Variants in ROS1 observed in about 807,000 individuals in gnomAD.
ROS1 encodes proto-oncogene tyrosine-protein kinase ROS.
Under a neutral mutation model 273.5 loss-of-function variants are expected in ROS1, and 263 were observed. The observed-to-expected ratio is 0.96, with a 90% CI of 0.87 to 1.06. The LOEUF is 1.06. Among genes scored for constraint, ROS1 ranks in the 50% least tolerant of loss-of-function variants. The pLI, the probability that ROS1 is intolerant of heterozygous loss-of-function variation, is 0.00. For synonymous variants in ROS1, 1,008 were observed against 954.1 expected (o/e 1.06, Z -1.04); for missense variants, 2,833 against 2,751.1 (o/e 1.03, Z -0.67).
At chr6:117,409,965 T>A (rs1321801) in intron 4 of ROS1, among the ~76,000 whole-genome samples, 81,186 of 151,616 alleles carry the variant, frequency 0.54, 22,383 homozygotes, top group South Asian at 0.68. Context: ...TACTTTTCCC[T>A]CCATTTTTAG....
intron 32 of ROS1, among the ~76,000 whole-genome samples, chr6:117,334,165 A>G (rs1424431066): frequency 1.3e-5 from 2 of 152,218 alleles, no homozygotes; most frequent in Non-Finnish European, 2.9e-5. Flanking sequence ...TAAAAAATCA[A>G]TGTGCAAAAA....
chr6:117,410,641 A>G (rs749225990), intron 4 of ROS1, among the ~76,000 whole-genome samples: 27 of 152,320 alleles, frequency 1.8e-4, no homozygotes, highest in Non-Finnish European at 2.9e-4. Context: ...AATCATGATC[A>G]ATCTTCCTGC....
rs376680651 is a variant in ROS1 at position 117,365,097 on chromosome 6, G to A, written c.3066C>T (p.Gly1022=). 4.0e-5 allele frequency: 65 copies of A among 1,613,670 alleles called. No homozygotes were observed. Among genetic ancestry groups the A allele is most frequent in the Non-Finnish European group, 5.2e-5 (61 of 1,179,808 alleles). ...SVTPYTYWGK[G]PKTSLSLRAP... ...CTCGAAGTGACAGAGATGTTTTGGGGCCCTTTCCCCAGTAGGTATAAGGAG... is the reference window on the plus strand; with the variant it reads ...CTCGAAGTGACAGAGATGTTTTGGGACCCTTTCCCCAGTAGGTATAAGGAG... Residue 1022 remains glycine, a synonymous_variant, in exon 21 of 44, where the codon GGC becomes GGT. Coordinates refer to ENST00000368507, the MANE Select transcript of ROS1 (RefSeq NM_001378902.1).
At chr6:117,418,579 A>C (rs1775518760) in intron 1 of ROS1, 73 bp from the exon 2 acceptor site, 2 of 1,141,300 alleles carry the variant, frequency 1.8e-6, no homozygotes, top group East Asian at 5.4e-5. Context: ...ACCTTTTAAA[A>C]AAGCTTCCTG....
intron 31 of ROS1, among the ~76,000 whole-genome samples, chr6:117,340,639 A>T (rs1777844686): frequency 6.6e-6 from 1 of 152,190 alleles, no homozygotes; most frequent in South Asian, 2.1e-4. Flanking sequence ...TTAAAGCGTG[A>T]AAAGTTTTGG....
In ROS1 at chr6:117,393,310, A is replaced by T; in HGVS notation, c.1203T>A (p.Cys401Ter). 1 of 1,602,864 alleles carries T rather than the reference A, an allele frequency of 6.2e-7. No homozygotes were observed. The highest frequency in any genetic ancestry group is 8.5e-7 in the Non-Finnish European group (1 of 1,170,384). The part of the protein sequence containing the change: ...YFIMDELVCV[C>*]DLENCSNIEE... ...CGATGTTTGAGCAGTTCTCTAAATC[A>T]CAGACACATACCTAAAAAAATAAAA... Residue 401 changes from cysteine to a stop codon, truncating the protein, a stop_gained, in exon 12 of 44, where the codon TGT (cysteine) becomes TGA (stop). Coordinates refer to ENST00000368507, the MANE Select transcript of ROS1 (RefSeq NM_001378902.1). LOFTEE classifies it high-confidence loss of function.
rs904898836 is a variant in ROS1, at chr6:117,385,592, G to T, written c.2289+91C>A. ...AAATAATAGCATAAGTGGTGCACAG[G>T]TATTTAAAAAAAAAAAAGAAATTGG... On this transcript the variant is annotated intron_variant, in intron 16 of 43. Coordinates refer to ENST00000368507, the MANE Select transcript of ROS1 (RefSeq NM_001378902.1). 24 of 1,031,748 alleles carry T rather than the reference G, an allele frequency of 2.3e-5. No homozygotes were observed. The Admixed American group carries it at 5.4e-4, about 23-fold the overall frequency. The allele number at this position is 1,031,748 out of a possible 1,614,324, so 63.9% of individuals were successfully genotyped here.
intron 43 of ROS1, among the ~76,000 whole-genome samples, chr6:117,294,285 A>G (rs1284311676): frequency 1.3e-5 from 2 of 152,180 alleles, no homozygotes; most frequent in Non-Finnish European, 2.9e-5. Flanking sequence ...CTTATTCAAC[A>G]TAGTACTGTA....
rs1367145617 is a variant in ROS1, at chr6:117,342,284, TA to T, written c.4651+115del. 44 of 1,031,722 alleles carry T rather than the reference TA, an allele frequency of 4.3e-5. No individual in the cohort carries two copies. In the Admixed American group the frequency reaches 6.6e-4, roughly 15 times the overall value. 63.9% of individuals were successfully genotyped at this position (1,031,722 alleles called of 1,614,324 possible). A position where few individuals can be genotyped will look rare whatever the true frequency, so the allele number is the denominator to read the frequency against. On this transcript the variant is annotated intron_variant, in intron 29 of 43. Coordinates refer to ENST00000368507, the MANE Select transcript of ROS1 (RefSeq NM_001378902.1). ...ACAAACACATTTTTCTTATTAAACTTAAAAAAGCTTACTAAAATTACTTCGC... is the reference window on the plus strand; with the variant it reads ...ACAAACACATTTTTCTTATTAAACTTAAAAAGCTTACTAAAATTACTTCGC...
chr6:117,336,464 C>T (rs569112998), intron 32 of ROS1, among the ~76,000 whole-genome samples: 1 of 152,106 alleles, frequency 6.6e-6, no homozygotes, highest in Non-Finnish European at 1.5e-5. Flanking sequence ...AGGTTAATAG[C>T]TTCCAGCTTC....
rs80102354 is a variant in ROS1 at position 117,422,398 on chromosome 6, A to T, written c.123+3136T>A. On this transcript the variant is annotated intron_variant, in intron 1 of 43. Transcript: ENST00000368507. ...AATTTTTTATGCTACATGGATAGCA[A>T]CTCATTGGTTTGAATTGTCATCTTT... Among the ~76,000 whole-genome samples, 488 of 152,230 alleles carry T rather than the reference A, an allele frequency of 3.2e-3. 1 individual carries two copies. Among genetic ancestry groups the T allele is most frequent in the African/African-American group, 0.011 (447 of 41,530 alleles).
chr6:117,294,932 A>G (rs991111752), intron 43 of ROS1, among the ~76,000 whole-genome samples: 19 of 152,148 alleles, frequency 1.2e-4, no homozygotes, highest in African/African-American at 4.1e-4. Context: ...AATACCAATG[A>G]CATTCTTCAC....
Position 117,337,162 on chromosome 6 carries a change from T to G in ROS1, c.5230+10A>C. 6.2e-7 allele frequency: 1 copy of G among 1,605,058 alleles called. No homozygotes were observed. Among genetic ancestry groups the G allele is most frequent in the South Asian group, 1.1e-5 (1 of 90,270 alleles). ...AGAGTTTTCTGAGTATTGAGTATGT[T>G]AGTACTCACCTTTTGTCTTAAAGCT... is the stretch of plus-strand genomic sequence containing the variant. On this transcript the variant is annotated intron_variant, in intron 32 of 43. Transcript: ENST00000368507.
At chr6:117,331,394 T>C (rs1177490260) in intron 32 of ROS1, among the ~76,000 whole-genome samples, 2 of 151,820 alleles carry the variant, frequency 1.3e-5, no homozygotes, top group African/African-American at 4.8e-5. Flanking sequence ...ATGGGGAAAA[T>C]GGAAACACGT....
intron 16 of ROS1, among the ~76,000 whole-genome samples, chr6:117,384,104 A>T (rs1772374542): frequency 1.3e-5 from 2 of 152,146 alleles, no homozygotes; most frequent in Admixed American, 1.3e-4. Context: ...AATACTTAAA[A>T]CTGGTTTTTA....
rs113723823 is a variant in ROS1 at position 117,403,255 on chromosome 6, A to G, written c.488T>C (p.Val163Ala). The G allele has an allele frequency of 1.2e-6, 2 of 1,612,184 alleles. 1 individual carries two copies. Residue 163 changes from valine to alanine, a missense_variant, in exon 7 of 44, where the codon GTG (valine) becomes GCG (alanine). Physicochemically the swap from Val to Ala is moderately conservative, Grantham distance 64. Coordinates refer to ENST00000368507, the MANE Select transcript of ROS1 (RefSeq NM_001378902.1). ...AGTGAAGGGGTGCAGGGGCTTGACC[A>G]CATAGGACGGTCTGGACACAGTCTA... ...YTKTVSRPSYVVKPLHPFTEY... is the reference protein window; with the variant it reads ...YTKTVSRPSYAVKPLHPFTEY...
At position 117,337,269 on chromosome 6, in the gene ROS1, T is replaced by C. The variant is rs752889601; in HGVS notation, c.5133A>G (p.Thr1711=). ...SQGPAYVCNI[T]NLQPYTSYNV... ...TATATGAAGTATAAGGTTGTAGATT[T>C]GTGATATTACAGACATAAGCAGGAC... Residue 1711 remains threonine (T), a synonymous_variant, in exon 32 of 44, where the codon ACA becomes ACG. Transcript: ENST00000368507. 1.2e-6 allele frequency: 2 copies of C among 1,612,712 alleles called. No individual in the cohort carries two copies. The highest frequency in any genetic ancestry group is 1.7e-6 in the Non-Finnish European group (2 of 1,179,052).
In ROS1 at chr6:117,366,282, T is replaced by A. The variant is rs755272149; in HGVS notation, c.2591A>T (p.Asp864Val). The A allele has an allele frequency of 6.2e-7, 1 of 1,613,702 alleles. No individual in the cohort carries two copies. The highest frequency in any genetic ancestry group is 1.7e-5 in the Admixed American group (1 of 60,028). Residue 864 changes from aspartate (D) to valine (V), a missense_variant, in exon 19 of 44, where the codon GAT becomes GTT. Physicochemically the swap from Asp to Val is radical, Grantham distance 152. Transcript: ENST00000368507. ...TAVLRGQSTGDTTITEFAAWS... is the reference protein window; with the variant it reads ...TAVLRGQSTGVTTITEFAAWS... ...GGCTGCAAATTCTGTGATGGTGGTATCCCCAGTGCTGCTAAAACATAACAC... is the reference window on the plus strand; with the variant it reads ...GGCTGCAAATTCTGTGATGGTGGTAACCCCAGTGCTGCTAAAACATAACAC...
At chr6:117,326,094 TA>T (rs1776616633) in intron 34 of ROS1, 129 bp downstream of exon 34, 6 of 16,728 alleles carry the variant, frequency 3.6e-4, no homozygotes, top group Middle Eastern at 0.019. Flanking sequence ...AATAAGATTA[TA>T]TATATATATA....
Sources: gnomAD v4.1 joint callset for allele counts (sites outside exome capture counted in the v4.1 genomes callset) on GRCh38, gnomAD v4.1.1 for gene constraint, MANE v1.5 for transcripts, NCBI Gene and HGNC (gene_info 2026-07-23, HGNC 2026-07-21) for gene names.